Variants in NUP210L observed in about 807,000 individuals in gnomAD.
The protein encoded by NUP210L is nucleoporin 210 like, also known as nuclear pore membrane glycoprotein 210-like.
NUP210L carries 74 observed loss-of-function variants against 208.5 expected under a neutral mutation model. The ratio of observed to expected loss-of-function variants is 0.35; its 90% CI spans 0.29 to 0.43. NUP210L has a LOEUF of 0.43. Ranked by LOEUF, NUP210L falls within the 20% of genes least tolerant of loss-of-function variation. The pLI, the probability that NUP210L is intolerant of heterozygous loss-of-function variation, is 1.00. For missense variants in NUP210L, 1,843 were observed against 2,289.4 expected (o/e 0.81, Z 3.98); for synonymous variants, 780 against 816.9 (o/e 0.95, Z 0.77).
chr1:154,058,485 G>A (rs1653984749), intron 21 of NUP210L, 80 bp downstream of exon 21: 7 of 1,485,396 alleles, frequency 4.7e-6, no homozygotes, highest in Non-Finnish European at 6.4e-6. Context: ...CACAGTAGCT[G>A]AGCAGAGACT....
chr1:154,072,287 T>C (rs1197167980), intron 16 of NUP210L, among the ~76,000 whole-genome samples: 5 of 151,538 alleles, frequency 3.3e-5, no homozygotes, highest in African/African-American at 9.7e-5. Context: ...CACCAACATC[T>C]ATTATTTTTT....
intron 38 of NUP210L, among the ~76,000 whole-genome samples, chr1:153,994,499 A>G (rs1340032992): frequency 1.3e-5 from 2 of 151,500 alleles, no homozygotes; most frequent in South Asian, 2.1e-4. Context: ...TTTAGTAGAG[A>G]TGGAGTTTCA....
chr1:154,009,809 A>G (rs1361803979), intron 35 of NUP210L, among the ~76,000 whole-genome samples, 163 bp downstream of exon 35: 1 of 150,994 alleles, frequency 6.6e-6, no homozygotes, highest in East Asian at 1.9e-4. Flanking sequence ...AAAAAAAAAA[A>G]GAAAAAAGAG....
chr1:154,145,994 G>A (rs767534085), intron 2 of NUP210L, among the ~76,000 whole-genome samples: 1 of 152,006 alleles, frequency 6.6e-6, no homozygotes, highest in Non-Finnish European at 1.5e-5. Context: ...GGCCTCAAGC[G>A]ATCCTCCTAC....
At chr1:153,999,498 G>A (rs545176811) in intron 37 of NUP210L, among the ~76,000 whole-genome samples, 3 of 152,266 alleles carry the variant, frequency 2.0e-5, no homozygotes, top group South Asian at 2.1e-4. Flanking sequence ...AGCACTTTGG[G>A]AGGCCAAGGC....
At chr1:154,121,917 G>A (rs768516100) in intron 10 of NUP210L, among the ~76,000 whole-genome samples, 10 of 150,856 alleles carry the variant, frequency 6.6e-5, no homozygotes, top group South Asian at 2.1e-4. Context: ...AAATCCAAAC[G>A]AAGCAAAAGA....
At chr1:154,054,729 G>A (rs775311467) in intron 24 of NUP210L, 41 bp downstream of exon 24, 8 of 1,357,496 alleles carry the variant, frequency 5.9e-6, no homozygotes, top group Non-Finnish European at 8.4e-6. Flanking sequence ...AGAGAGGTAA[G>A]GAGAAAAGGT....
chr1:154,141,350 A>C, intron 4 of NUP210L, 81 bp downstream of exon 4: 1 of 859,184 alleles, frequency 1.2e-6, no homozygotes. Context: ...AGTCCACACA[A>C]ATGGTTGCTT....
At chr1:154,042,681 G>T (rs1251104151) in intron 27 of NUP210L, among the ~76,000 whole-genome samples, 3 of 151,262 alleles carry the variant, frequency 2.0e-5, no homozygotes, top group Non-Finnish European at 4.4e-5. Flanking sequence ...ACCTGCCTCG[G>T]CCTCCCAAAG....
intron 33 of NUP210L, among the ~76,000 whole-genome samples, chr1:154,013,788 G>A (rs913560651): frequency 2.6e-5 from 4 of 151,952 alleles, no homozygotes; most frequent in South Asian, 4.1e-4. Context: ...GTTTTGAGAC[G>A]GAGTCTTGCT....
exon 7 of NUP210L, chr1:154,135,930 T>C: frequency 5.0e-6 from 8 of 1,602,748 alleles, no homozygotes; most frequent in African/African-American, 1.3e-5. Flanking sequence ...AACTCTATGG[T>C]CTTGCAATTC....
chr1:154,005,484 T>C (rs1650470188), intron 35 of NUP210L, among the ~76,000 whole-genome samples: 1 of 152,122 alleles, frequency 6.6e-6, no homozygotes, highest in Admixed American at 6.6e-5. Flanking sequence ...CGCCTTGGCC[T>C]CCCAAAGTGC....
chr1:154,066,518 G>C (rs1654423783), intron 17 of NUP210L, among the ~76,000 whole-genome samples: 1 of 152,334 alleles, frequency 6.6e-6, no homozygotes, highest in South Asian at 2.1e-4. Flanking sequence ...GGCTGAGGCA[G>C]GAGAATGGTA....
chr1:154,122,203 T>C (rs1657648469), intron 10 of NUP210L, among the ~76,000 whole-genome samples: 1 of 142,558 alleles, frequency 7.0e-6, no homozygotes, highest in South Asian at 2.3e-4. Context: ...GACAAATTCC[T>C]TCAAAGATAC....
At chr1:154,026,298 G>C (rs565400419) in intron 29 of NUP210L, among the ~76,000 whole-genome samples, 4 of 152,282 alleles carry the variant, frequency 2.6e-5, no homozygotes, top group African/African-American at 9.6e-5. Flanking sequence ...ACTTGCAAAT[G>C]AATATTCATA....
chr1:154,112,179 A>G (rs1361922971), intron 12 of NUP210L, among the ~76,000 whole-genome samples: 1,638 of 151,160 alleles, frequency 0.011, 45 homozygotes, highest in African/African-American at 0.039. Context: ...TGCCTGCCTC[A>G]GCCTCTCAAA....
At chr1:154,055,039 C>T (rs1042326944) in intron 23 of NUP210L, among the ~76,000 whole-genome samples, 2 of 152,050 alleles carry the variant, frequency 1.3e-5, no homozygotes, top group African/African-American at 4.8e-5. Flanking sequence ...TGGTTGGGAC[C>T]AGAAGTGTGC....
At chr1:154,093,866 C>T (rs1571264489) in intron 15 of NUP210L, among the ~76,000 whole-genome samples, 1 of 152,114 alleles carries the variant, frequency 6.6e-6, no homozygotes. Context: ...ATAATTAAAA[C>T]TCAGCTGGGT....
intron 2 of NUP210L, among the ~76,000 whole-genome samples, chr1:154,151,408 T>C (rs986219482): frequency 6.6e-6 from 1 of 151,968 alleles, no homozygotes; most frequent in African/African-American, 2.4e-5. Flanking sequence ...TGTCACTGAC[T>C]GCACATGTGA....
Sources: gnomAD v4.1 joint callset for allele counts (sites outside exome capture counted in the v4.1 genomes callset) on GRCh38, gnomAD v4.1.1 for gene constraint, MANE v1.5 for transcripts, NCBI Gene and HGNC (gene_info 2026-07-23, HGNC 2026-07-21) for gene names.